EIF2AK3: variants seen among roughly 807,000 people sequenced by gnomAD.
The protein encoded by EIF2AK3 is eukaryotic translation initiation factor 2-alpha kinase 3.
In EIF2AK3, 50 loss-of-function variants were observed where a neutral mutation model predicts 113.5. The ratio of observed to expected loss-of-function variants is 0.44; its 90% CI spans 0.35 to 0.56. EIF2AK3 has a LOEUF of 0.56. Ranked by LOEUF, EIF2AK3 falls within the 20% of genes least tolerant of loss-of-function variation. EIF2AK3 has a pLI of 0.00. For synonymous variants in EIF2AK3, 448 were observed against 495.4 expected (o/e 0.90, Z 1.27); for missense variants, 1,185 against 1,378.0 (o/e 0.86, Z 2.22).
intron 13 of EIF2AK3, among the ~76,000 whole-genome samples, chr2:88,571,404 A>G (rs1674304962): frequency 6.6e-6 from 1 of 152,206 alleles, no homozygotes; most frequent in Non-Finnish European, 1.5e-5. Context: ...TATAACTAAT[A>G]ATAACTAGTT....
chr2:88,598,581 T>C (rs1469775109), intron 2 of EIF2AK3, among the ~76,000 whole-genome samples: 1 of 151,406 alleles, frequency 6.6e-6, no homozygotes, highest in Non-Finnish European at 1.5e-5. Context: ...AGAGAAACCA[T>C]ATTCTTCAAA....
At chr2:88,579,405 C>T (rs982039333) in intron 11 of EIF2AK3, 113 bp downstream of exon 11, 81 of 1,401,554 alleles carry the variant, frequency 5.8e-5, no homozygotes, top group African/African-American at 5.3e-4. Context: ...AGATTTGAAA[C>T]GTCTGAAACT....
chr2:88,609,610 A>G (rs1163314304), intron 2 of EIF2AK3, among the ~76,000 whole-genome samples: 1 of 152,220 alleles, frequency 6.6e-6, no homozygotes, highest in Admixed American at 6.5e-5. Flanking sequence ...CACATGCTAA[A>G]GCATGTCTTG....
chr2:88,574,978 A>G lies in EIF2AK3; in HGVS notation c.2505T>C (p.Asn835=). The part of the protein sequence containing the change: ...NRLHIGNHCA[N]KLTAFKPTSS... ...TGGTGGGCTTGAAAGCAGTTAGTTT[A>G]TTAGCACAATGGTTGCCAATATGCA... is the stretch of plus-strand genomic sequence containing the variant. Residue 835 remains asparagine, a synonymous_variant, in exon 13 of 17, where the codon AAT becomes AAC. Transcript: ENST00000303236. 1 of 1,614,196 alleles carries G rather than the reference A, an allele frequency of 6.2e-7. No individual in the cohort carries two copies.
At chr2:88,609,133 GCA>G (rs979848531) in intron 2 of EIF2AK3, among the ~76,000 whole-genome samples, 3 of 151,894 alleles carry the variant, frequency 2.0e-5, no homozygotes, top group Non-Finnish European at 4.4e-5. Flanking sequence ...ATGCTGAGCA[GCA>G]CACACCTTGC....
chr2:88,624,400 G>T (rs948475154), intron 1 of EIF2AK3, among the ~76,000 whole-genome samples: 1 of 152,140 alleles, frequency 6.6e-6, no homozygotes, highest in African/African-American at 2.4e-5. Flanking sequence ...GGAGGGATTG[G>T]GGCAGAAGGG....
chr2:88,574,800 T>C lies in EIF2AK3; in HGVS notation c.2683A>G (p.Asn895Asp). The change falls in exon 13 of 17, where the codon AAC (asparagine) becomes GAC (aspartate). Residue 895 changes from asparagine (N) to aspartate (D), a missense_variant. Asn to Asp is a conservative substitution (Grantham distance 23, BLOSUM62 1). Transcript: ENST00000303236. ...YIQMQLCRKE[N>D]LKDWMNGRCT... ...CGTCCATTCATCCAGTCTTTGAGGT[T>C]TTCTTTTCTGCACAGCTGCATTTGA... is the stretch of plus-strand genomic sequence containing the variant. 6.2e-7 allele frequency: 1 copy of C among 1,614,208 alleles called. No individual in the cohort carries two copies. Among genetic ancestry groups the C allele is most frequent in the African/African-American group, 1.3e-5 (1 of 75,052 alleles).
intron 1 of EIF2AK3, among the ~76,000 whole-genome samples, chr2:88,619,735 C>T (rs1675672556): frequency 6.6e-6 from 1 of 152,160 alleles, no homozygotes; most frequent in Non-Finnish European, 1.5e-5. Context: ...GGATGGATCA[C>T]CTGAGATCAG....
At chr2:88,588,977 AATTCCAGTT>A in intron 6 of EIF2AK3, 76 bp from the exon 7 acceptor site, 1 of 1,513,098 alleles carries the variant, frequency 6.6e-7, no homozygotes, top group Non-Finnish European at 9.0e-7. Flanking sequence ...AAATTACATT[AATTCCAGTT>A]ATTTCTACAT....
chr2:88,613,593 C>A (rs1675503014), intron 2 of EIF2AK3, 131 bp downstream of exon 2: 2 of 924,352 alleles, frequency 2.2e-6, no homozygotes, highest in Admixed American at 3.8e-5. Context: ...TAAGTAATTG[C>A]CCTAAAGGGA....
chr2:88,557,362 G>GTTACCACACAGGGGGAC lies in EIF2AK3; in HGVS notation c.*357_*373dup. The stretch of plus-strand genomic sequence containing the variant: ...GAAAGCATATTTCTAGAACAATACA[G>GTTACCACACAGGGGGAC]TTACCACACAGGGGGACTTTCCTTC... On this transcript the variant is annotated 3_prime_UTR_variant, in exon 17 of 17. Transcript: ENST00000303236. The GTTACCACACAGGGGGAC allele has an allele frequency of 4.3e-6, 1 of 234,878 alleles. No homozygotes were observed. The highest frequency in any genetic ancestry group is 5.1e-5 in the Admixed American group (1 of 19,682). The allele number at this position is 234,878 out of a possible 1,614,324, so 14.5% of individuals were successfully genotyped here.
chr2:88,627,456 T>A lies in EIF2AK3; in HGVS notation c.-182A>T. ...CCGGCCTCTGCCGCTGCCACCTGAG[T>A]GACAGCCTATCTCGGACATCGCCCA... On this transcript the variant is annotated 5_prime_UTR_variant, in exon 1 of 17. Transcript: ENST00000303236. 1.4e-6 allele frequency: 1 copy of A among 691,562 alleles called. No individual in the cohort carries two copies. Among genetic ancestry groups the A allele is most frequent in the Non-Finnish European group, 2.1e-6 (1 of 481,360 alleles). The allele number at this position is 691,562 out of a possible 1,614,324, so 42.8% of individuals were successfully genotyped here.
chr2:88,568,202 T>C (rs1245656145), intron 14 of EIF2AK3, among the ~76,000 whole-genome samples: 1 of 152,224 alleles, frequency 6.6e-6, no homozygotes, highest in Non-Finnish European at 1.5e-5. Context: ...GTCTCTGATA[T>C]AATCTTTCAA....
Position 88,579,562 on chromosome 2 carries a change from T to C in EIF2AK3, c.1842A>G (p.Val614=). The part of the protein sequence containing the change: ...FGVVFEAKNK[V]DDCNYAIKRI... ...TCTTGATAGCATAATTGCAGTCATCTACTTTGTTTTTAGCTTCAAAAACAA... is the reference window on the plus strand; with the variant it reads ...TCTTGATAGCATAATTGCAGTCATCCACTTTGTTTTTAGCTTCAAAAACAA... Residue 614 remains valine, a synonymous_variant, in exon 11 of 17, where the codon GTA becomes GTG. Coordinates refer to ENST00000303236, the MANE Select transcript of EIF2AK3 (RefSeq NM_004836.7). The C allele has an allele frequency of 6.2e-7, 1 of 1,613,956 alleles. No individual in the cohort carries two copies. Among genetic ancestry groups the C allele is most frequent in the African/African-American group, 1.3e-5 (1 of 75,058 alleles).
At chr2:88,561,524 C>G (rs889729038) in intron 15 of EIF2AK3, among the ~76,000 whole-genome samples, 12 of 151,886 alleles carry the variant, frequency 7.9e-5, no homozygotes, top group African/African-American at 2.9e-4. Flanking sequence ...GCCTCCCAAA[C>G]TGCTGGGATT....
At chr2:88,577,387 G>A (rs769766299) in intron 11 of EIF2AK3, among the ~76,000 whole-genome samples, 3 of 151,564 alleles carry the variant, frequency 2.0e-5, no homozygotes, top group Non-Finnish European at 2.9e-5. Flanking sequence ...TGCTACAAGC[G>A]CATCTACTGC....
chr2:88,598,199 G>A (rs934909376), intron 2 of EIF2AK3, among the ~76,000 whole-genome samples: 2 of 151,638 alleles, frequency 1.3e-5, no homozygotes, highest in South Asian at 2.1e-4. Flanking sequence ...TGAGGGAAAA[G>A]GAAGGGCTGG....
chr2:88,579,287 C>A (rs184034227), intron 11 of EIF2AK3, among the ~76,000 whole-genome samples: 1 of 152,174 alleles, frequency 6.6e-6, no homozygotes, highest in East Asian at 1.9e-4. Flanking sequence ...AAACGAAAGT[C>A]CTGAGTTAAT....
intron 2 of EIF2AK3, among the ~76,000 whole-genome samples, chr2:88,609,682 A>G (rs1675380217): frequency 6.6e-6 from 1 of 152,202 alleles, no homozygotes; most frequent in Admixed American, 6.5e-5. Context: ...ATTGAGCTCC[A>G]ATTTTACTCA....
Sources: allele counts gnomAD v4.1 joint callset (sites outside exome capture counted in the v4.1 genomes callset), GRCh38; gene constraint gnomAD v4.1.1; transcripts MANE v1.5; gene names NCBI Gene and HGNC (gene_info 2026-07-23, HGNC 2026-07-21).